Variants in ABCA12 observed in about 807,000 individuals in gnomAD.
The protein encoded by ABCA12 is glucosylceramide transporter ABCA12.
ABCA12 carries 156 observed loss-of-function variants against 293.5 expected under a neutral mutation model. The ratio of observed to expected loss-of-function variants is 0.53; its 90% CI spans 0.47 to 0.61. The LOEUF is 0.61. ABCA12 is among the 20% of genes least tolerant of loss of function. The probability of loss-of-function intolerance (pLI) is 0.00; values close to 1 mark genes in which losing one functional copy is unlikely to be tolerated. For missense variants in ABCA12, 2,797 were observed against 3,090.2 expected, an observed-to-expected ratio of 0.91 and a Z score of 2.25; for synonymous variants, 1,063 against 1,108.0, an observed-to-expected ratio of 0.96 and a Z score of 0.81.
chr2:215,122,998 T>A (rs1702840442), intron 1 of ABCA12, among the ~76,000 whole-genome samples: 1 of 152,158 alleles, frequency 6.6e-6, no homozygotes, highest in African/African-American at 2.4e-5. Flanking sequence ...GTATACCATT[T>A]GTTTAGTTTC....
chr2:215,115,210 G>A (rs1028420928), intron 1 of ABCA12, among the ~76,000 whole-genome samples: 1 of 152,178 alleles, frequency 6.6e-6, no homozygotes. Context: ...GAGAGATTTA[G>A]AGAACATTTC....
chr2:214,978,664 G>T (rs1419957739), intron 32 of ABCA12, 140 bp downstream of exon 32: 7 of 1,084,758 alleles, frequency 6.5e-6, no homozygotes, highest in Non-Finnish European at 9.5e-6. Context: ...TCTTACATAA[G>T]AATAGTACTG....
intron 42 of ABCA12, 51 bp downstream of exon 42, chr2:214,956,612 G>C: frequency 7.5e-7 from 1 of 1,325,870 alleles, no homozygotes; most frequent in Non-Finnish European, 1.1e-6. Flanking sequence ...TTTGTGTCTA[G>C]GGGCATTTAA....
chr2:215,092,781 C>T (rs1053993418), intron 2 of ABCA12, among the ~76,000 whole-genome samples: 2 of 152,146 alleles, frequency 1.3e-5, no homozygotes, highest in Non-Finnish European at 2.9e-5. Flanking sequence ...AACCCATATA[C>T]TCTCCTATCC....
intron 16 of ABCA12, 138 bp from the exon 17 acceptor site, chr2:215,011,787 G>A (rs1700380084): frequency 8.7e-7 from 1 of 1,148,444 alleles, no homozygotes; most frequent in African/African-American, 1.6e-5. Flanking sequence ...TATTCCAAAT[G>A]TAAATGAAGA....
At chr2:215,037,498 C>T (rs779956628) in intron 7 of ABCA12, among the ~76,000 whole-genome samples, 3 of 152,048 alleles carry the variant, frequency 2.0e-5, no homozygotes, top group Non-Finnish European at 2.9e-5. Flanking sequence ...ATTATTTAAG[C>T]ATTTATAATA....
rs188313821 is a variant in ABCA12, at chr2:214,947,341, A to G, written c.7239+81T>C. 3,880 of 1,589,392 alleles carry G rather than the reference A, an allele frequency of 2.4e-3. 5 individuals carry two copies. Among genetic ancestry groups the G allele is most frequent in the Middle Eastern group, 2.9e-3 (15 of 5,192 alleles). ...ACCTCAATAAATGTTGACTGCAATC[A>G]TGATGATGAAATGTTAACACATGCA... On this transcript the variant is annotated intron_variant, in intron 48 of 52. Transcript: ENST00000272895.
intron 6 of ABCA12, among the ~76,000 whole-genome samples, chr2:215,048,947 C>G (rs1391042979): frequency 1.3e-5 from 2 of 152,056 alleles, no homozygotes; most frequent in Non-Finnish European, 2.9e-5. Flanking sequence ...GTGGGAGCTA[C>G]ATGACGAGAA....
At chr2:215,111,484 A>C (rs1364481178) in intron 2 of ABCA12, 113 bp downstream of exon 2, 3 of 733,406 alleles carry the variant, frequency 4.1e-6, no homozygotes, top group East Asian at 5.3e-5. Context: ...AATCCTTCCA[A>C]GTGAAAACAC....
At chr2:215,073,227 T>C (rs10187636) in intron 2 of ABCA12, among the ~76,000 whole-genome samples, 13,252 of 152,246 alleles carry the variant, frequency 0.087, 811 homozygotes, top group Non-Finnish European at 0.13. Context: ...AACTTGTCTT[T>C]TAGTAACAAA....
chr2:215,031,971 C>A, intron 8 of ABCA12, 75 bp from the exon 9 acceptor site: 1 of 1,603,664 alleles, frequency 6.2e-7, no homozygotes. Context: ...TGAAAACCAT[C>A]CCAGGTCAAA....
chr2:215,017,980 A>G (rs750822927), intron 14 of ABCA12, 28 bp downstream of exon 14: 2 of 1,613,944 alleles, frequency 1.2e-6, no homozygotes, highest in Admixed American at 1.7e-5. Context: ...TAAGAACTGC[A>G]TGTAAGTACA....
chr2:215,001,633 T>G lies in ABCA12; in HGVS notation c.2788A>C (p.Ile930Leu). 6.2e-7 allele frequency: 1 copy of G among 1,613,838 alleles called. No homozygotes were observed. The highest frequency in any genetic ancestry group is 8.5e-7 in the Non-Finnish European group (1 of 1,179,838). The change falls in exon 21 of 53, where the codon ATT becomes CTT. Residue 930 changes from isoleucine (I) to leucine (L), a missense_variant. Transcript: ENST00000272895. ...NISSCVLYDR[I>L]QAAKTIDEME... is the part of the protein sequence containing the mutation. Reference sequence around the variant, plus strand: ...TCATCTATGGTTTTTGCTGCCTGAATACGGTCATATAATACACAAGAGGAA... The same window carrying G: ...TCATCTATGGTTTTTGCTGCCTGAAGACGGTCATATAATACACAAGAGGAA...
chr2:215,058,641 A>C (rs1325894453), intron 3 of ABCA12, among the ~76,000 whole-genome samples: 1 of 151,960 alleles, frequency 6.6e-6, no homozygotes, highest in East Asian at 1.9e-4. Context: ...CCTGAGTCAA[A>C]TCACCAAGTG....
chr2:215,064,306 AAC>A, intron 2 of ABCA12, 87 bp from the exon 3 acceptor site: 1 of 259,302 alleles, frequency 3.9e-6, no homozygotes, highest in Non-Finnish European at 5.5e-6. Flanking sequence ...TTGTGAAGTT[AAC>A]CTCCTGGATT....
intron 14 of ABCA12, 175 bp downstream of exon 14, chr2:215,017,833 T>C (rs1447145737): frequency 1.3e-5 from 10 of 771,360 alleles, no homozygotes; most frequent in African/African-American, 3.5e-5. Flanking sequence ...ATAAAATTCT[T>C]GCTTCAGAAT....
At chr2:215,040,040 C>A (rs901924387) in intron 7 of ABCA12, among the ~76,000 whole-genome samples, 2 of 152,084 alleles carry the variant, frequency 1.3e-5, no homozygotes, top group Non-Finnish European at 2.9e-5. Flanking sequence ...CCATTGTTAA[C>A]ATACTAAAAA....
At chr2:215,092,776 A>G (rs548775238) in intron 2 of ABCA12, among the ~76,000 whole-genome samples, 1 of 152,194 alleles carries the variant, frequency 6.6e-6, no homozygotes, top group Admixed American at 6.5e-5. Flanking sequence ...TGCCAAACCC[A>G]TATACTCTCC....
At chr2:214,991,165 T>C in intron 23 of ABCA12, 134 bp from the exon 24 acceptor site, 1 of 829,314 alleles carries the variant, frequency 1.2e-6, no homozygotes, top group Non-Finnish European at 2.0e-6. Context: ...TTTACATAAA[T>C]CAAGAATTTA....
Sources: allele counts gnomAD v4.1 joint callset (sites outside exome capture counted in the v4.1 genomes callset), GRCh38; gene constraint gnomAD v4.1.1; transcripts MANE v1.5; gene names NCBI Gene and HGNC (gene_info 2026-07-23, HGNC 2026-07-21).